Variants in PBX4 observed in about 807,000 individuals in gnomAD.
The protein encoded by PBX4 is pre-B-cell leukemia transcription factor 4.
PBX4 carries 26 observed loss-of-function variants against 35.1 expected under a neutral mutation model. The observed-to-expected ratio is 0.74, with a 90% CI of 0.54 to 1.03. PBX4 has a LOEUF of 1.03. Ranked by LOEUF, PBX4 falls within the 50% of genes least tolerant of loss-of-function variation. The probability of loss-of-function intolerance (pLI) is 0.00; values close to 1 mark genes in which losing one functional copy is unlikely to be tolerated. For missense variants in PBX4, 448 were observed against 504.3 expected, an observed-to-expected ratio of 0.89 and a Z score of 1.07; for synonymous variants, 199 against 204.2, an observed-to-expected ratio of 0.97 and a Z score of 0.22.
chr19:19,584,183 A>G (rs1257788724), intron 2 of PBX4, among the ~76,000 whole-genome samples: 3 of 152,106 alleles, frequency 2.0e-5, no homozygotes, highest in Non-Finnish European at 4.4e-5. Flanking sequence ...GGTAGCAGTG[A>G]GCCAAGATCG....
intron 2 of PBX4, 44 bp downstream of exon 2, chr19:19,599,248 T>G: frequency 5.7e-4 from 868 of 1,528,020 alleles, no homozygotes; most frequent in Non-Finnish European, 7.2e-4. Context: ...ATTACAGGCA[T>G]GAGCCACCAC....
At chr19:19,612,761 G>A (rs2061669290) in intron 1 of PBX4, among the ~76,000 whole-genome samples, 1 of 152,068 alleles carries the variant, frequency 6.6e-6, no homozygotes, top group African/African-American at 2.4e-5. Flanking sequence ...TCAGAAAGAG[G>A]CCAGAAACCA....
chr19:19,603,294 AG>A (rs2061608754), intron 1 of PBX4, among the ~76,000 whole-genome samples: 1 of 152,032 alleles, frequency 6.6e-6, no homozygotes, highest in Admixed American at 6.6e-5. Context: ...GGTAAGTCAA[AG>A]GGGTTTTTTT....
chr19:19,591,918 TG>T (rs1464496527), intron 2 of PBX4, among the ~76,000 whole-genome samples: 1 of 152,182 alleles, frequency 6.6e-6, no homozygotes, highest in Non-Finnish European at 1.5e-5. Flanking sequence ...TGGGGTGCAG[TG>T]GTGTGATCTC....
chr19:19,570,427 A>G, intron 3 of PBX4, 128 bp from the exon 4 acceptor site: 1 of 1,432,598 alleles, frequency 7.0e-7, no homozygotes, highest in Non-Finnish European at 9.4e-7. Context: ...ACTGTTAAGT[A>G]AATGGAAAGG....
intron 2 of PBX4, among the ~76,000 whole-genome samples, chr19:19,572,989 GACCACAAACCTGGTGC>G (rs1207884060): frequency 6.6e-6 from 1 of 151,498 alleles, no homozygotes; most frequent in Non-Finnish European, 1.5e-5. Flanking sequence ...TCCAAGGACT[GACCACAAACCTGGTGC>G]TTAATACAGG....
chr19:19,584,928 G>A (rs1016732549), intron 2 of PBX4, among the ~76,000 whole-genome samples: 2 of 151,998 alleles, frequency 1.3e-5, no homozygotes, highest in Non-Finnish European at 1.5e-5. Context: ...CCCAAGGGCT[G>A]TTTTATCTTA....
At chr19:19,565,865 C>A (rs1163628889) in intron 5 of PBX4, among the ~76,000 whole-genome samples, 1 of 151,948 alleles carries the variant, frequency 6.6e-6, no homozygotes, top group Non-Finnish European at 1.5e-5. Flanking sequence ...TTGCAGTGAG[C>A]CAAGATCGCA....
chr19:19,600,479 A>C (rs1481574170), intron 1 of PBX4, among the ~76,000 whole-genome samples: 3 of 151,284 alleles, frequency 2.0e-5, no homozygotes, highest in Non-Finnish European at 4.4e-5. Context: ...AGCTATGAAC[A>C]TGCCACTGTA....
chr19:19,570,307 G>A lies in PBX4; in HGVS notation c.442-8C>T. On this transcript the variant is annotated splice_region_variant and splice_polypyrimidine_tract_variant and intron_variant, in intron 3 of 7. Transcript: ENST00000251203. ...GGTGAACTCACGACAGGCCTGGGGT[G>A]GGAGCACAGACACGCCGGCCTGTGA... 1 of 1,592,512 alleles carries A rather than the reference G, an allele frequency of 6.3e-7. No individual in the cohort carries two copies. Among genetic ancestry groups the A allele is most frequent in the Non-Finnish European group, 8.6e-7 (1 of 1,166,426 alleles).
At position 19,580,639 on chromosome 19, in the gene PBX4, A is replaced by G. The variant is rs546414097; in HGVS notation, c.194-9806T>C. 3.3e-5 allele frequency among the ~76,000 whole-genome samples: 5 copies of G among 152,368 alleles called. No homozygotes were observed. In the East Asian group the frequency reaches 9.6e-4, roughly 29 times the overall value. ...TCTGGCAAGGTGCTCACCAGGAGCC[A>G]CTTTCATTTGTAGTGAGAGTGTTTC... On this transcript the variant is annotated intron_variant, in intron 2 of 7. Transcript: ENST00000251203.
chr19:19,565,528 A>C (rs2061336498), intron 5 of PBX4, among the ~76,000 whole-genome samples: 1 of 152,224 alleles, frequency 6.6e-6, no homozygotes, highest in South Asian at 2.1e-4. Context: ...TTATCAAATG[A>C]AAACAAGGTG....
In PBX4 at chr19:19,562,486, G is replaced by T. The variant is rs916033414; in HGVS notation, c.1033-369C>A. ...CGCCCGGAGCGTCATGGTGAGACTC[G>T]GTGGGAAAAAGGGGCTCTGAAACCT... On this transcript the variant is annotated intron_variant, in intron 7 of 7. Coordinates refer to ENST00000251203, the MANE Select transcript of PBX4 (RefSeq NM_025245.3). This position sits in a 1 kb window ranked among gnomAD's most constrained non-coding sequence, Gnocchi z 4.8. 6.6e-6 allele frequency among the ~76,000 whole-genome samples: 1 copy of T among 151,894 alleles called. No individual in the cohort carries two copies. Among genetic ancestry groups the T allele is most frequent in the East Asian group, 1.9e-4 (1 of 5,138 alleles).
At chr19:19,575,461 C>T (rs973285026) in intron 2 of PBX4, among the ~76,000 whole-genome samples, 3 of 152,154 alleles carry the variant, frequency 2.0e-5, no homozygotes, top group African/African-American at 7.2e-5. Context: ...AATAACCCTC[C>T]CCTCTCCTCC....
chr19:19,575,398 A>G (rs974493099), intron 2 of PBX4, among the ~76,000 whole-genome samples: 11 of 152,116 alleles, frequency 7.2e-5, no homozygotes, highest in Non-Finnish European at 1.3e-4. Context: ...ACACCCTTGG[A>G]CAGCCAGGTA....
intron 2 of PBX4, among the ~76,000 whole-genome samples, chr19:19,585,361 TTA>T (rs1220683546): frequency 6.6e-6 from 1 of 152,118 alleles, no homozygotes; most frequent in African/African-American, 2.4e-5. Flanking sequence ...AATCCTTATC[TTA>T]AGTCATGGAA....
At chr19:19,564,126 A>G (rs983243341) in intron 6 of PBX4, among the ~76,000 whole-genome samples, 4 of 138,652 alleles carry the variant, frequency 2.9e-5, no homozygotes, top group African/African-American at 5.4e-5. Flanking sequence ...ATATCTCCCA[A>G]TGCTATCCCT....
At chr19:19,566,838 G>A (rs971471205) in intron 5 of PBX4, among the ~76,000 whole-genome samples, 8 of 151,696 alleles carry the variant, frequency 5.3e-5, no homozygotes, top group Admixed American at 1.3e-4. Context: ...AGCCTCCCCA[G>A]TAGCGGGATT....
chr19:19,572,056 C>T (rs8101737), intron 2 of PBX4, among the ~76,000 whole-genome samples: 6 of 124,956 alleles, frequency 4.8e-5, no homozygotes, highest in Non-Finnish European at 6.7e-5. Context: ...AAAAAGTGTT[C>T]TCTTAGAATC....
Sources: gnomAD v4.1 joint callset for allele counts (sites outside exome capture counted in the v4.1 genomes callset) on GRCh38, gnomAD v4.1.1 for gene constraint, Gnocchi (gnomAD v3.1) non-coding constraint, MANE v1.5 for transcripts, NCBI Gene and HGNC (gene_info 2026-07-23, HGNC 2026-07-21) for gene names.